Variants in NTN1 observed in about 807,000 individuals in gnomAD.
NTN1 encodes the protein netrin-1.
NTN1 carries 11 observed loss-of-function variants against 54.2 expected under a neutral mutation model. The ratio of observed to expected loss-of-function variants is 0.20; its 90% CI spans 0.13 to 0.34. NTN1 has a LOEUF of 0.34. Among genes scored for constraint, NTN1 ranks in the 10% least tolerant of loss-of-function variants. The pLI, the probability that NTN1 is intolerant of heterozygous loss-of-function variation, is 1.00. For synonymous variants in NTN1, 371 were observed against 382.0 expected (o/e 0.97, Z 0.33); for missense variants, 740 against 893.1 (o/e 0.83, Z 2.18).
chr17:9,207,048 C>G (rs1904986126), intron 5 of NTN1, among the ~76,000 whole-genome samples: 2 of 152,166 alleles, frequency 1.3e-5, no homozygotes, highest in African/African-American at 4.8e-5. Context: ...GTCACTTTGT[C>G]TGCCGCACAG....
At chr17:9,006,005 G>A in the NTN1 span, among the ~76,000 whole-genome samples, 2 of 152,220 alleles carry the variant, frequency 1.3e-5, no homozygotes, top group Non-Finnish European at 2.9e-5. Flanking sequence ...GCCGGCCATA[G>A]GGGGACCCAT....
chr17:9,006,017 C>T, the NTN1 span, among the ~76,000 whole-genome samples: 2 of 152,198 alleles, frequency 1.3e-5, no homozygotes, highest in Admixed American at 1.3e-4. Flanking sequence ...GGGACCCATG[C>T]CAGCAATAAC....
chr17:9,033,904 C>T lies in NTN1; in HGVS notation c.1018+10513C>T, dbSNP rs532468299. Among the ~76,000 whole-genome samples the T allele has an allele frequency of 4.1e-4, 47 of 114,174 alleles. 5 individuals carry two copies. The highest frequency in any genetic ancestry group is 1.6e-3 in the African/African-American group (44 of 28,222). 74.9% of individuals were successfully genotyped at this position (114,174 alleles called of 152,430 possible). Reference sequence around the variant, plus strand: ...TGCATTCCAGCCTGGGCAACAAGAGCGAAACTCTGTCTCAAAAAAAAAAAA... The same window carrying T: ...TGCATTCCAGCCTGGGCAACAAGAGTGAAACTCTGTCTCAAAAAAAAAAAA... On this transcript the variant is annotated intron_variant, in intron 2 of 6. Transcript: ENST00000173229.
intron 4 of NTN1, among the ~76,000 whole-genome samples, chr17:9,182,186 C>A (rs1481800186): frequency 6.6e-6 from 1 of 151,494 alleles, no homozygotes; most frequent in African/African-American, 2.4e-5. Context: ...GCTTTGTTGG[C>A]CAGGCTGGTT....
At chr17:9,106,966 C>T (rs72811916) in intron 2 of NTN1, among the ~76,000 whole-genome samples, 11,223 of 152,230 alleles carry the variant, frequency 0.074, 574 homozygotes, top group Middle Eastern at 0.15. Flanking sequence ...CAACCACATA[C>T]TGATCGCATT....
chr17:9,026,354 G>A (rs1293083343), intron 2 of NTN1, among the ~76,000 whole-genome samples: 1 of 143,400 alleles, frequency 7.0e-6, no homozygotes, highest in South Asian at 2.2e-4. Context: ...CGTTCATAAA[G>A]CCCAGTTATA....
intron 2 of NTN1, among the ~76,000 whole-genome samples, chr17:9,034,611 C>T (rs8068217): frequency 0.22 from 33,544 of 151,192 alleles, 4,131 homozygotes; most frequent in African/African-American, 0.32. Flanking sequence ...TTAGTGGAGA[C>T]GGGGTTTCAC....
chr17:9,079,804 TC>T (rs1175948858), intron 2 of NTN1, among the ~76,000 whole-genome samples: 1 of 151,716 alleles, frequency 6.6e-6, no homozygotes, highest in Non-Finnish European at 1.5e-5. Context: ...CAGGCCTGTT[TC>T]CTGGCCCTGG....
chr17:9,086,325 G>A (rs2092089881), intron 2 of NTN1, among the ~76,000 whole-genome samples: 1 of 152,192 alleles, frequency 6.6e-6, no homozygotes, highest in South Asian at 2.1e-4. Context: ...GGGTAACATA[G>A]TGAGACCCTC....
At chr17:9,129,649 T>C (rs2092258055) in intron 2 of NTN1, among the ~76,000 whole-genome samples, 1 of 152,206 alleles carries the variant, frequency 6.6e-6, no homozygotes, top group Admixed American at 6.5e-5. Flanking sequence ...CGTTTGCTTC[T>C]CAGTTAAGGA....
intron 4 of NTN1, among the ~76,000 whole-genome samples, chr17:9,182,230 CGT>C (rs10592543): frequency 0.36 from 54,566 of 152,062 alleles, 10,201 homozygotes; most frequent in Middle Eastern, 0.49. Flanking sequence ...CCTCCCCAAA[CGT>C]GTTGGGCCCC....
At chr17:9,116,746 C>T (rs1002665049) in intron 2 of NTN1, among the ~76,000 whole-genome samples, 1 of 152,136 alleles carries the variant, frequency 6.6e-6, no homozygotes, top group African/African-American at 2.4e-5. Flanking sequence ...ACTGTCCTTT[C>T]ACAGAACTTG....
In NTN1 at chr17:9,022,523, C is replaced by T. The variant is rs1390547449; in HGVS notation, c.150C>T (p.Arg50=). The T allele has an allele frequency of 1.3e-6, 2 of 1,549,644 alleles. No homozygotes were observed. The highest frequency in any genetic ancestry group is 1.7e-6 in the Non-Finnish European group (2 of 1,150,642). ...CGGACGAGAACGGCCACCCGCGCCG[C>T]TGCATCCCGGACTTTGTCAATGCGG... ...PCSDENGHPR[R]CIPDFVNAAF... The change falls in exon 2 of 7, where the codon CGC becomes CGT. Residue 50 remains arginine, a synonymous_variant. Transcript: ENST00000173229.
chr17:9,193,954 G>A (rs1904552240), intron 5 of NTN1, among the ~76,000 whole-genome samples: 1 of 80,088 alleles, frequency 1.2e-5, no homozygotes. Flanking sequence ...ACATTATGCA[G>A]GTTGGGCGCA....
chr17:9,212,901 G>A lies in NTN1; in HGVS notation c.1412-8267G>A, dbSNP rs755135758. Among the ~76,000 whole-genome samples the A allele has an allele frequency of 3.1e-4, 47 of 152,346 alleles. No homozygotes were observed. The highest frequency in any genetic ancestry group is 1.4e-3 in the South Asian group (7 of 4,832). Reference sequence around the variant, plus strand: ...GGTGCCCCTGGCTTCAACCGTGGCCGCCGGGCTCTGCCTGCCATATGCTCA... The same window carrying A: ...GGTGCCCCTGGCTTCAACCGTGGCCACCGGGCTCTGCCTGCCATATGCTCA... On this transcript the variant is annotated intron_variant, in intron 5 of 6. Coordinates refer to ENST00000173229, the MANE Select transcript of NTN1 (RefSeq NM_004822.3). The surrounding 1 kb of genome is among the most constrained non-coding windows in gnomAD (Gnocchi z 5.5).
chr17:9,182,636 G>T (rs889661755), intron 4 of NTN1, among the ~76,000 whole-genome samples: 1 of 152,220 alleles, frequency 6.6e-6, no homozygotes, highest in East Asian at 1.9e-4. Context: ...CCAGGCCCAG[G>T]GGGTGGGGGC....
At chr17:9,048,076 A>C (rs2091946512) in intron 2 of NTN1, among the ~76,000 whole-genome samples, 1 of 152,254 alleles carries the variant, frequency 6.6e-6, no homozygotes, top group African/African-American at 2.4e-5. Context: ...AAGATTCATC[A>C]GAGGAATCAC....
chr17:9,144,056 C>T (rs554595475), intron 2 of NTN1, among the ~76,000 whole-genome samples: 194 of 152,158 alleles, frequency 1.3e-3, no homozygotes, highest in African/African-American at 4.4e-3. Flanking sequence ...CCACCATGTC[C>T]GGCTAATTAT....
intron 2 of NTN1, among the ~76,000 whole-genome samples, chr17:9,041,708 G>A (rs1486653645): frequency 2.0e-5 from 3 of 152,030 alleles, no homozygotes; most frequent in African/African-American, 4.8e-5. Flanking sequence ...GAATTGTTGG[G>A]TTATAAGACA....
Sources: gnomAD v4.1 joint callset for allele counts (sites outside exome capture counted in the v4.1 genomes callset) on GRCh38, gnomAD v4.1.1 for gene constraint, Gnocchi (gnomAD v3.1) non-coding constraint, MANE v1.5 for transcripts, NCBI Gene and HGNC (gene_info 2026-07-23, HGNC 2026-07-21) for gene names.